The following STK3 variants were observed in gnomAD, a reference collection of about 807,000 sequenced individuals.
STK3 encodes serine/threonine-protein kinase 3.
STK3 carries 41 observed loss-of-function variants against 58.0 expected under a neutral mutation model. The ratio of observed to expected loss-of-function variants is 0.71; its 90% CI spans 0.55 to 0.92. The LOEUF is 0.92. Among genes scored for constraint, STK3 ranks in the 40% least tolerant of loss-of-function variants. The pLI, the probability that STK3 is intolerant of heterozygous loss-of-function variation, is 0.00. For synonymous variants in STK3, 170 were observed against 191.0 expected (o/e 0.89, Z 0.91); for missense variants, 479 against 602.7 (o/e 0.79, Z 2.15).
chr8:98,856,292 G>C (rs1836676691), intron 3 of STK3, among the ~76,000 whole-genome samples: 1 of 150,872 alleles, frequency 6.6e-6, no homozygotes, highest in South Asian at 2.1e-4. Context: ...ACTCCAGCCT[G>C]GGTGACAGAG....
chr8:98,657,223 G>A (rs1243691911), intron 6 of STK3, among the ~76,000 whole-genome samples: 1 of 151,952 alleles, frequency 6.6e-6, no homozygotes, highest in African/African-American at 2.4e-5. Flanking sequence ...CTTTCTAAGT[G>A]CCAGGTACTG....
At chr8:98,749,172 T>C (rs1829815341) in intron 4 of STK3, 104 bp downstream of exon 4, 2 of 856,480 alleles carry the variant, frequency 2.3e-6, no homozygotes, top group African/African-American at 1.7e-5. Flanking sequence ...AAACCTTTTC[T>C]TTTTTCATGC....
intron 10 of STK3, among the ~76,000 whole-genome samples, chr8:98,461,662 C>T (rs1819988665): frequency 1.3e-5 from 2 of 152,084 alleles, no homozygotes; most frequent in African/African-American, 4.8e-5. Flanking sequence ...TTTAGCATTT[C>T]TCGTAGGGAT....
chr8:98,411,316 C>T (rs1477550305), intron 3 of STK3, among the ~76,000 whole-genome samples: 1 of 152,252 alleles, frequency 6.6e-6, no homozygotes, highest in South Asian at 2.1e-4. Context: ...CACCTTACAA[C>T]TCTTCTAGAG....
intron 6 of STK3, among the ~76,000 whole-genome samples, chr8:98,699,802 C>A (rs370425763): frequency 6.6e-6 from 1 of 152,164 alleles, no homozygotes; most frequent in Non-Finnish European, 1.5e-5. Flanking sequence ...TAGGCTGCTC[C>A]GGGGTCAGGG....
chr8:98,917,150 T>C (rs1839375039), intron 1 of STK3, among the ~76,000 whole-genome samples: 1 of 152,240 alleles, frequency 6.6e-6, no homozygotes, highest in Admixed American at 6.5e-5. Flanking sequence ...ATCTAGGTCA[T>C]GGTAAGGATT....
upstream of STK3, among the ~76,000 whole-genome samples, chr8:98,388,538 G>A (rs1817815578): frequency 6.6e-6 from 1 of 152,122 alleles, no homozygotes; most frequent in East Asian, 1.9e-4. Flanking sequence ...ATCTAATCAA[G>A]CCCCAAGATC....
chr8:98,440,564 CGT>C (rs59209840), intron 1 of STK3, among the ~76,000 whole-genome samples: 66,734 of 149,634 alleles, frequency 0.45, 14,804 homozygotes, highest in Admixed American at 0.54. Context: ...TACATAAGCA[CGT>C]GTGTGTGTGT....
intron 10 of STK3, among the ~76,000 whole-genome samples, chr8:98,512,781 G>A (rs145299273): frequency 1.4e-4 from 22 of 152,168 alleles, no homozygotes; most frequent in African/African-American, 4.1e-4. Flanking sequence ...TTAAAATTTC[G>A]TATTTTCACT....
chr8:98,468,003 C>T (rs1820617035), intron 10 of STK3, among the ~76,000 whole-genome samples: 1 of 152,054 alleles, frequency 6.6e-6, no homozygotes, highest in Admixed American at 6.5e-5. Flanking sequence ...AAGAGGTTAG[C>T]TAAAACCCAC....
chr8:98,501,039 G>A (rs149787516), intron 10 of STK3, among the ~76,000 whole-genome samples: 4,560 of 152,174 alleles, frequency 0.03, 105 homozygotes, highest in South Asian at 0.061. Context: ...GTGTAAAAGC[G>A]TTCCTATTTC....
chr8:98,863,093 G>A (rs1009897169), intron 3 of STK3, among the ~76,000 whole-genome samples: 6 of 152,202 alleles, frequency 3.9e-5, no homozygotes, highest in African/African-American at 9.6e-5. Context: ...AGACATGGTC[G>A]ATTTCAGGAG....
chr8:98,881,819 A>C (rs1235959796), downstream of STK3: 1 of 152,200 alleles, frequency 6.6e-6, no homozygotes, highest in Non-Finnish European at 1.5e-5. Context: ...CTAGCATTTT[A>C]TTTCTTATTA....
chr8:98,356,624 A>G, the STK3 span, among the ~76,000 whole-genome samples: 3 of 152,354 alleles, frequency 2.0e-5, no homozygotes, highest in East Asian at 5.8e-4. Context: ...TATGAAATAC[A>G]AAAGTCAAAT....
chr8:98,415,877 G>A (rs1378481968), intron 3 of STK3, among the ~76,000 whole-genome samples: 1 of 152,188 alleles, frequency 6.6e-6, no homozygotes, highest in Non-Finnish European at 1.5e-5. Context: ...CAGGGTAAGA[G>A]AGACTCTGCC....
At chr8:98,653,119 T>C (rs564662703) in intron 6 of STK3, among the ~76,000 whole-genome samples, 41 of 152,182 alleles carry the variant, frequency 2.7e-4, no homozygotes, top group African/African-American at 8.9e-4. Flanking sequence ...GAACACAAAT[T>C]ATAACAAACT....
At position 98,501,747 on chromosome 8, in the gene STK3, C is replaced by T. The variant is rs188296780; in HGVS notation, c.1317+24995G>A. Among the ~76,000 whole-genome samples, 47 of 152,316 alleles carry T rather than the reference C, an allele frequency of 3.1e-4. No homozygotes were observed. In the East Asian group the frequency reaches 9.1e-3, roughly 29 times the overall value. ...TGTTGTTATTTCTGAGGCCTCTGTT[C>T]TGTTCCATTGGTCTATTTCTCTGTT... On this transcript the variant is annotated intron_variant, in intron 10 of 10. Transcript: ENST00000419617.
intron 1 of STK3, among the ~76,000 whole-genome samples, chr8:98,920,275 G>T (rs956412337): frequency 6.6e-6 from 1 of 152,214 alleles, no homozygotes; most frequent in African/African-American, 2.4e-5. Flanking sequence ...GGAGGTTGGG[G>T]TAGGTTAGTG....
intron 1 of STK3, among the ~76,000 whole-genome samples, chr8:98,907,707 T>C (rs138514614): frequency 1.4e-4 from 21 of 152,336 alleles, no homozygotes; most frequent in African/African-American, 4.8e-4. Context: ...TGCAATCACA[T>C]TATAGTACCT....
Sources: gnomAD v4.1 joint callset for allele counts (sites outside exome capture counted in the v4.1 genomes callset) on GRCh38, gnomAD v4.1.1 for gene constraint, MANE v1.5 for transcripts, NCBI Gene and HGNC (gene_info 2026-07-23, HGNC 2026-07-21) for gene names.